Variants in IL1RAPL2 observed in about 807,000 individuals in gnomAD.
IL1RAPL2 encodes the protein interleukin 1 receptor accessory protein like 2, also known as X-linked interleukin-1 receptor accessory protein-like 2.
Under a neutral mutation model 44.1 loss-of-function variants are expected in IL1RAPL2, and 3 were observed. The observed-to-expected ratio is 0.07, with a 90% CI of 0.03 to 0.18. The LOEUF is 0.18. Ranked by LOEUF, IL1RAPL2 falls within the 10% of genes least tolerant of loss-of-function variation. The pLI, the probability that IL1RAPL2 is intolerant of heterozygous loss-of-function variation, is 1.00. For missense variants in IL1RAPL2, 391 were observed against 496.4 expected (o/e 0.79, Z 2.02); for synonymous variants, 181 against 178.8 (o/e 1.01, Z -0.10).
intron 2 of IL1RAPL2, among the ~76,000 whole-genome samples, chrX:104,718,225 T>C (rs1248011104): frequency 9.0e-6 from 1 of 111,194 alleles, no homozygotes; most frequent in Non-Finnish European, 1.9e-5. Context: ...CCACCAACAG[T>C]GTAAAAGTGT....
intron 1 of IL1RAPL2, among the ~76,000 whole-genome samples, chrX:104,637,067 ATT>A (rs1203149326): frequency 4.1e-5 from 4 of 96,709 alleles, no homozygotes; most frequent in African/African-American, 7.5e-5. Context: ...GTAGTTTGGG[ATT>A]TTTTTTTTTT....
chrX:105,115,968 C>T (rs2032854568), intron 2 of IL1RAPL2, among the ~76,000 whole-genome samples: 1 of 113,377 alleles, frequency 8.8e-6, no homozygotes, highest in Non-Finnish European at 1.9e-5. Flanking sequence ...AAGCCCCTCA[C>T]TGCCTGGGGC....
In IL1RAPL2 at chrX:104,677,003, T is replaced by A. The variant is rs968661631; in HGVS notation, c.82+18008T>A. Among the ~76,000 whole-genome samples the A allele has an allele frequency of 4.8e-4, 53 of 111,259 alleles. 1 individual carries two copies. The highest frequency in any genetic ancestry group is 4.7e-3 in the Middle Eastern group (1 of 215). On this transcript the variant is annotated intron_variant, in intron 2 of 10. Transcript: ENST00000372582. ...GGTTATTCTAGTTATATATTCAAAATTTTTTTCAAAGTTTTCAACTTCTTT... is the reference window on the plus strand; with the variant it reads ...GGTTATTCTAGTTATATATTCAAAAATTTTTTCAAAGTTTTCAACTTCTTT...
At position 105,246,263 on chromosome X, in the gene IL1RAPL2, C is replaced by A. The variant is rs752860521; in HGVS notation, c.543+12259C>A. ...CATGAATCTCTGCAAAGGAAAATTA[C>A]AAAACTAAATAAGATCAGCTAATAT... On this transcript the variant is annotated intron_variant, in intron 4 of 10. Coordinates refer to ENST00000372582, the MANE Select transcript of IL1RAPL2 (RefSeq NM_017416.2). Among the ~76,000 whole-genome samples the A allele has an allele frequency of 8.9e-5, 10 of 112,137 alleles. No homozygotes were observed. The South Asian group carries it at 3.7e-3, about 41-fold the overall frequency.
At chrX:104,731,185 G>T (rs1360738068) in intron 2 of IL1RAPL2, among the ~76,000 whole-genome samples, 1 of 109,705 alleles carries the variant, frequency 9.1e-6, no homozygotes, top group African/African-American at 3.3e-5. Context: ...TCACTCTGAT[G>T]GTAGTTTCTT....
intron 2 of IL1RAPL2, among the ~76,000 whole-genome samples, chrX:104,973,689 G>A (rs1484542418): frequency 8.9e-6 from 1 of 111,885 alleles, no homozygotes; most frequent in East Asian, 2.8e-4. Flanking sequence ...GTTACAGCAA[G>A]CTTAGTCACA....
chrX:104,675,065 AT>A (rs1478954871), intron 2 of IL1RAPL2, among the ~76,000 whole-genome samples: 4 of 110,866 alleles, frequency 3.6e-5, no homozygotes, highest in Non-Finnish European at 1.9e-5. Context: ...GGATTCATTA[AT>A]TTTTTGAAGG....
intron 2 of IL1RAPL2, among the ~76,000 whole-genome samples, chrX:104,965,474 G>T (rs768372225): frequency 9.0e-5 from 10 of 111,390 alleles, no homozygotes; most frequent in Non-Finnish European, 1.7e-4. Context: ...ACTCTTGTAT[G>T]ATGCAAAAGT....
intron 5 of IL1RAPL2, among the ~76,000 whole-genome samples, chrX:105,279,118 C>T (rs2034509167): frequency 1.4e-5 from 1 of 72,181 alleles, no homozygotes; most frequent in African/African-American, 5.0e-5. Flanking sequence ...CATTAGGGCT[C>T]TTCAAGATCT....
intron 5 of IL1RAPL2, among the ~76,000 whole-genome samples, chrX:105,309,024 AAATTAATT>A (rs755747538): frequency 9.1e-6 from 1 of 110,351 alleles, no homozygotes; most frequent in East Asian, 2.9e-4. Flanking sequence ...TAATTTAATT[AAATTAATT>A]AATTAATTAA....
intron 2 of IL1RAPL2, among the ~76,000 whole-genome samples, chrX:104,799,059 A>G (rs1002655898): frequency 3.6e-5 from 4 of 111,023 alleles, no homozygotes; most frequent in Admixed American, 2.9e-4. Flanking sequence ...TGGCAACTCT[A>G]TGAAGGAGGT....
At chrX:105,265,097 G>A (rs2034391826) in intron 4 of IL1RAPL2, among the ~76,000 whole-genome samples, 1 of 111,889 alleles carries the variant, frequency 8.9e-6, no homozygotes, top group Non-Finnish European at 1.9e-5. Flanking sequence ...AGTGAGCAGA[G>A]AAAATGAAAA....
intron 6 of IL1RAPL2, among the ~76,000 whole-genome samples, chrX:105,527,436 T>TTG (rs10687485): frequency 0.31 from 29,870 of 95,300 alleles, 4,177 homozygotes; most frequent in Non-Finnish European, 0.4. Context: ...TGAGAGTGTG[T>TTG]TGTGTGTGTG....
At chrX:104,670,174 C>T (rs954648231) in intron 2 of IL1RAPL2, among the ~76,000 whole-genome samples, 1 of 111,199 alleles carries the variant, frequency 9.0e-6, no homozygotes, top group Non-Finnish European at 1.9e-5. Flanking sequence ...GTCCAAAAGC[C>T]TCAAAAGCAA....
chrX:105,580,314 C>G lies in IL1RAPL2; in HGVS notation c.772+95927C>G, dbSNP rs138303663. 6.6e-3 allele frequency among the ~76,000 whole-genome samples: 719 copies of G among 108,254 alleles called. 7 individuals carry two copies. Among genetic ancestry groups the G allele is most frequent in the African/African-American group, 0.023 (675 of 29,608 alleles). The allele number at this position is 108,254 out of a possible 115,157, so 94.0% of individuals were successfully genotyped here. ...CCTAGGCCGTGTTTATGCCTTGGTG[C>G]TAGTGGGAGGAGGAAGGCTGAAAAC... On this transcript the variant is annotated intron_variant, in intron 6 of 10. Transcript: ENST00000372582.
chrX:105,675,450 T>C (rs761498178), intron 6 of IL1RAPL2, among the ~76,000 whole-genome samples: 1 of 112,178 alleles, frequency 8.9e-6, no homozygotes, highest in East Asian at 2.8e-4. Flanking sequence ...TCTATTTATG[T>C]GATGAATTAC....
At chrX:105,741,001 T>C (rs2038495190) in intron 8 of IL1RAPL2, among the ~76,000 whole-genome samples, 1 of 111,923 alleles carries the variant, frequency 8.9e-6, no homozygotes, top group South Asian at 3.7e-4. Context: ...CTCCACATTT[T>C]GCCTTCTTAT....
At chrX:105,096,223 C>A (rs1209409279) in intron 2 of IL1RAPL2, among the ~76,000 whole-genome samples, 1 of 111,730 alleles carries the variant, frequency 9.0e-6, no homozygotes, top group Non-Finnish European at 1.9e-5. Context: ...GACCCTCATG[C>A]ATTGCTGATG....
chrX:105,725,921 T>C (rs2038347596), intron 7 of IL1RAPL2, among the ~76,000 whole-genome samples: 1 of 111,822 alleles, frequency 8.9e-6, no homozygotes, highest in Admixed American at 9.5e-5. Context: ...ACAGCATAGT[T>C]TTACCTAGGG....
Sources: gnomAD v4.1 joint callset for allele counts (sites outside exome capture counted in the v4.1 genomes callset) on GRCh38, gnomAD v4.1.1 for gene constraint, MANE v1.5 for transcripts, NCBI Gene and HGNC (gene_info 2026-07-23, HGNC 2026-07-21) for gene names.